Variants in FBXL2 observed in about 807,000 individuals in gnomAD.
FBXL2 encodes F-box and leucine rich repeat protein 2.
A neutral mutation model predicts 69.2 loss-of-function variants in FBXL2; 38 were observed. That is an observed-to-expected ratio of 0.55 (90% CI 0.42 to 0.72). The LOEUF (loss-of-function observed/expected upper bound fraction) is 0.72. Among genes scored for constraint, FBXL2 ranks in the 30% least tolerant of loss-of-function variants. FBXL2 has a pLI of 0.00. For missense variants in FBXL2, 354 were observed against 520.3 expected (o/e 0.68, Z 3.11); for synonymous variants, 192 against 201.3 (o/e 0.95, Z 0.39).
intron 4 of FBXL2, among the ~76,000 whole-genome samples, chr3:33,361,756 A>G (rs529078896): frequency 2.0e-5 from 3 of 152,182 alleles, no homozygotes; most frequent in Non-Finnish European, 4.4e-5. Context: ...ATCTAGTCAT[A>G]ACACTTAGCT....
chr3:33,325,665 C>T (rs1185100940), intron 2 of FBXL2, among the ~76,000 whole-genome samples: 1 of 152,066 alleles, frequency 6.6e-6, no homozygotes, highest in East Asian at 1.9e-4. Flanking sequence ...GTTTAAGCCT[C>T]TTGGATTTCC....
chr3:33,306,660 C>T (rs753820444), intron 2 of FBXL2, among the ~76,000 whole-genome samples: 4 of 152,072 alleles, frequency 2.6e-5, no homozygotes, highest in Non-Finnish European at 4.4e-5. Context: ...TTATTGTGTC[C>T]TCACAGTGCA....
chr3:33,369,062 T>C (rs2042128960), intron 5 of FBXL2, among the ~76,000 whole-genome samples: 2 of 151,860 alleles, frequency 1.3e-5, no homozygotes, highest in African/African-American at 4.8e-5. Flanking sequence ...TTAGATTTTT[T>C]TTTTTTTGAG....
rs1184124016 is a variant in FBXL2, at chr3:33,340,922, AGAG to A, written c.66-18042_66-18040del. 1.6e-3 allele frequency among the ~76,000 whole-genome samples: 241 copies of A among 149,902 alleles called. 1 individual carries two copies. Among genetic ancestry groups the A allele is most frequent in the Admixed American group, 2.5e-3 (38 of 15,030 alleles). On this transcript the variant is annotated intron_variant, in intron 2 of 14. Coordinates refer to ENST00000484457, the MANE Select transcript of FBXL2 (RefSeq NM_012157.5). ...AAAAAAAAAAAAAAAAAAAAAAAGAAGAGGAAGTATTTAAATTGCCTATCTTAT... is the reference window on the plus strand; with the variant it reads ...AAAAAAAAAAAAAAAAAAAAAAAGAAGAAGTATTTAAATTGCCTATCTTAT...
chr3:33,281,320 T>A (rs532767985), intron 1 of FBXL2, among the ~76,000 whole-genome samples: 1 of 152,272 alleles, frequency 6.6e-6, no homozygotes, highest in South Asian at 2.1e-4. Flanking sequence ...TTGTGATAGT[T>A]TGCCCAGAAT....
At chr3:33,282,232 AAGGAAGGGATCC>A (rs1438064808) in intron 1 of FBXL2, among the ~76,000 whole-genome samples, 1 of 152,178 alleles carries the variant, frequency 6.6e-6, no homozygotes, top group African/African-American at 2.4e-5. Flanking sequence ...TATAAGGTAT[AAGGAAGGGATCC>A]AGTTTCAGCT....
intron 2 of FBXL2, among the ~76,000 whole-genome samples, chr3:33,307,651 T>G (rs1256874826): frequency 6.6e-6 from 1 of 152,018 alleles, no homozygotes; most frequent in African/African-American, 2.4e-5. Flanking sequence ...ACGGGCATCA[T>G]GTCTACAACC....
chr3:33,382,182 T>G (rs531640774), intron 13 of FBXL2, among the ~76,000 whole-genome samples: 2 of 152,350 alleles, frequency 1.3e-5, no homozygotes, highest in East Asian at 3.9e-4. Context: ...TAGACTGCAG[T>G]AGCCATTCAC....
chr3:33,324,226 CAA>C (rs1433440102), intron 2 of FBXL2, among the ~76,000 whole-genome samples: 1 of 151,948 alleles, frequency 6.6e-6, no homozygotes, highest in African/African-American at 2.4e-5. Context: ...GGGTAGATTG[CAA>C]AAATGTTCTC....
rs1161487480 is a variant in FBXL2 at position 33,384,079 on chromosome 3, T to C, written c.1042T>C (p.Leu348=). The C allele has an allele frequency of 6.2e-7, 1 of 1,613,918 alleles. No homozygotes were observed. Among genetic ancestry groups the C allele is most frequent in the Non-Finnish European group, 8.5e-7 (1 of 1,180,010 alleles). ...CGHERLRVLE[L]DNCLLITDVA... is the part of the protein sequence containing the mutation. ...CCATGAGAGGCTGCGGGTACTGGAG[T>C]TGGACAACTGCCTCCTCATCACTGA... The change falls in exon 14 of 15, where the codon TTG becomes CTG. Residue 348 remains leucine (L), a synonymous_variant. Coordinates refer to ENST00000484457, the MANE Select transcript of FBXL2 (RefSeq NM_012157.5).
chr3:33,289,664 C>T, intron 1 of FBXL2: 1 of 701,692 alleles, frequency 1.4e-6, no homozygotes, highest in Non-Finnish European at 1.8e-6. Flanking sequence ...GTTTGGAATC[C>T]TGAGGAGTTC....
At position 33,380,223 on chromosome 3, in the gene FBXL2, C is replaced by CAAA. The variant is rs71632598; in HGVS notation, c.951+1498_951+1500dup. 3.6e-3 allele frequency among the ~76,000 whole-genome samples: 249 copies of CAAA among 69,226 alleles called. No homozygotes were observed. The Middle Eastern group carries it at 0.047, about 13-fold the overall frequency. 45.4% of individuals were successfully genotyped at this position (69,226 alleles called of 152,430 possible). On this transcript the variant is annotated intron_variant, in intron 13 of 14. Coordinates refer to ENST00000484457, the MANE Select transcript of FBXL2 (RefSeq NM_012157.5). ...CTGGCGACAGAGTGAGACTCTGTCT[C>CAAA]AAAAAAAAAAAAAAAAAATTCAAAA...
chr3:33,315,830 C>G (rs2037636232), intron 2 of FBXL2, among the ~76,000 whole-genome samples: 1 of 151,060 alleles, frequency 6.6e-6, no homozygotes, highest in Admixed American at 6.6e-5. Flanking sequence ...TTATTCTGCT[C>G]TTTTTTTTTC....
intron 2 of FBXL2, among the ~76,000 whole-genome samples, chr3:33,299,239 A>T (rs1050583864): frequency 6.6e-5 from 10 of 151,870 alleles, no homozygotes; most frequent in Non-Finnish European, 1.5e-4. Context: ...ACGGGGTTTC[A>T]CTGTGTTGCC....
intron 12 of FBXL2, chr3:33,398,444 G>A (rs1413588233): frequency 6.6e-6 from 1 of 152,228 alleles, no homozygotes; most frequent in Non-Finnish European, 1.5e-5. Context: ...TGTGACCAGA[G>A]AGTACTGTGT....
At chr3:33,303,099 GCTGC>G in intron 2 of FBXL2, 2 of 456,660 alleles carry the variant, frequency 4.4e-6, no homozygotes, top group South Asian at 1.5e-5. Flanking sequence ...TTAAAGGACT[GCTGC>G]CTCTATTTCC....
chr3:33,378,786 A>G lies in FBXL2; in HGVS notation c.951+45A>G, dbSNP rs190016602. The G allele has an allele frequency of 1.4e-3, 2,206 of 1,614,046 alleles. 29 individuals carry two copies. Among genetic ancestry groups the G allele is most frequent in the Non-Finnish European group, 1.4e-4 (170 of 1,179,974 alleles). ...ACATTATTCACCTGTTAAAGATGAA[A>G]GAGCCCTCCCACCACAACAAGAAGC... On this transcript the variant is annotated intron_variant, in intron 13 of 14. Coordinates refer to ENST00000484457, the MANE Select transcript of FBXL2 (RefSeq NM_012157.5).
At chr3:33,404,583 G>A (rs1559676389), downstream of FBXL2, among the ~76,000 whole-genome samples, 1 of 151,778 alleles carries the variant, frequency 6.6e-6, no homozygotes, top group African/African-American at 2.4e-5. Context: ...GGAAGGGGAG[G>A]CTGCAGTGAG....
intron 13 of FBXL2, among the ~76,000 whole-genome samples, chr3:33,379,310 C>G (rs2042857792): frequency 6.6e-6 from 1 of 151,618 alleles, no homozygotes; most frequent in Non-Finnish European, 1.5e-5. Flanking sequence ...CCTGAATTAG[C>G]ATCAATTCTA....
Sources: gnomAD v4.1 joint callset for allele counts (sites outside exome capture counted in the v4.1 genomes callset) on GRCh38, gnomAD v4.1.1 for gene constraint, MANE v1.5 for transcripts, NCBI Gene and HGNC (gene_info 2026-07-23, HGNC 2026-07-21) for gene names.